CHST6: variants seen among roughly 807,000 people sequenced by gnomAD.
CHST6 encodes carbohydrate sulfotransferase 6.
For missense variants in CHST6, 698 were observed against 586.2 expected (o/e 1.19, Z -1.97); for synonymous variants, 309 against 276.4 (o/e 1.12, Z -1.17).
In CHST6 at chr16:75,478,733, C is replaced by G. The variant is rs369592422; in HGVS notation, c.1096G>C (p.Glu366Gln). Residue 366 changes from glutamate to glutamine, a missense_variant, in exon 3 of 3, where the codon GAG (glutamate) becomes CAG (glutamine). Glu to Gln is a conservative substitution (Grantham distance 29). Coordinates refer to ENST00000332272, the MANE Select transcript of CHST6 (RefSeq NM_021615.5). ...AGATCAAGGGCGAGGTTGCGCTGCT[C>G]GTCCTCAGAGTACACAGGCCGGTAG... ...LGYRPVYSED[E>Q]QRNLALDLVL... 1.8e-5 allele frequency: 29 copies of G among 1,613,422 alleles called. No homozygotes were observed. Among genetic ancestry groups the G allele is most frequent in the Non-Finnish European group, 2.0e-5 (24 of 1,180,024 alleles).
In CHST6 at chr16:75,474,705, C is replaced by CAGAAGGGCAAAGTGAGGGCGAG. The variant is rs1474386120; in HGVS notation, c.*3914_*3935dup. On this transcript the variant is annotated 3_prime_UTR_variant, in exon 3 of 3. Coordinates refer to ENST00000332272, the MANE Select transcript of CHST6 (RefSeq NM_021615.5). ...TAGCATGATGGAAGGCATCATATGG[C>CAGAAGGGCAAAGTGAGGGCGAG]AGAAGGGCAAAGTGAGGGCGAGAGA... is the stretch of plus-strand genomic sequence containing the variant. The CAGAAGGGCAAAGTGAGGGCGAG allele has an allele frequency of 2.5e-5, 10 of 398,490 alleles. No homozygotes were observed. The highest frequency in any genetic ancestry group is 1.8e-4 in the Admixed American group (4 of 22,710). The allele number at this position is 398,490 out of a possible 1,614,324, so 24.7% of individuals were successfully genotyped here.
chr16:75,493,854 G>T (rs925499006), intron 1 of CHST6, among the ~76,000 whole-genome samples: 5 of 152,062 alleles, frequency 3.3e-5, no homozygotes, highest in African/African-American at 1.2e-4. Context: ...GGCCTGGCTT[G>T]TGTTTTTTCT....
rs758633736 is a variant in CHST6 at position 75,478,901 on chromosome 16, A to C, written c.928T>G (p.Ser310Ala). ...GCTTCGCGGCGCGCACCAGGTCCAGATCCGTGGGTGATGTTATGGATCCAG... is the reference window on the plus strand; with the variant it reads ...GCTTCGCGGCGCGCACCAGGTCCAGCTCCGTGGGTGATGTTATGGATCCAG... ...EAWIHNITHG[S>A]GPGARREAFK... The change falls in exon 3 of 3, where the codon TCT (serine) becomes GCT (alanine). Residue 310 changes from serine to alanine, a missense_variant. Transcript: ENST00000332272. 15 of 1,613,022 alleles carry C rather than the reference A, an allele frequency of 9.3e-6. No homozygotes were observed. Among genetic ancestry groups the C allele is most frequent in the Non-Finnish European group, 1.2e-5 (14 of 1,179,932 alleles).
At position 75,478,293 on chromosome 16, in the gene CHST6, C is replaced by T. The variant is rs764683003; in HGVS notation, c.*348G>A. On this transcript the variant is annotated 3_prime_UTR_variant, in exon 3 of 3. Coordinates refer to ENST00000332272, the MANE Select transcript of CHST6 (RefSeq NM_021615.5). ...ACTCCCAGCCAGTGCCAGGGCACCC[C>T]CTCAGCTGCTGCAGGATGTGTCACC... 26 of 384,354 alleles carry T rather than the reference C, an allele frequency of 6.8e-5. No individual in the cohort carries two copies. The highest frequency in any genetic ancestry group is 1.1e-4 in the Non-Finnish European group (23 of 203,402). The allele number at this position is 384,354 out of a possible 1,614,324, so 23.8% of individuals were successfully genotyped here. A position where few individuals can be genotyped will look rare whatever the true frequency, so the allele number is the denominator to read the frequency against.
intron 1 of CHST6, among the ~76,000 whole-genome samples, chr16:75,490,348 C>T (rs1302950847): frequency 2.6e-5 from 4 of 151,598 alleles, no homozygotes; most frequent in African/African-American, 9.7e-5. Context: ...CATGGTGGCG[C>T]ATGCCTGTAA....
In CHST6 at chr16:75,479,449, C is replaced by T. The variant is rs754243926; in HGVS notation, c.380G>A (p.Arg127His). Residue 127 changes from arginine (R) to histidine (H), a missense_variant, in exon 3 of 3, where the codon CGT becomes CAT. By Grantham distance (29) the Arg-to-His change is conservative. Coordinates refer to ENST00000332272, the MANE Select transcript of CHST6 (RefSeq NM_021615.5). ...GCAGGCGGGTGGCGAGCACAGTGCA[C>T]GGCTCACGGCCCACTGGAAGAGGTC... ...LSDLFQWAVS[R>H]ALCSPPACSA... The T allele has an allele frequency of 8.1e-6, 13 of 1,612,774 alleles. No homozygotes were observed. Among genetic ancestry groups the T allele is most frequent in the South Asian group, 7.7e-5 (7 of 91,092 alleles).
chr16:75,484,876 G>A (rs2080178959), intron 1 of CHST6, among the ~76,000 whole-genome samples: 1 of 152,018 alleles, frequency 6.6e-6, no homozygotes, highest in East Asian at 1.9e-4. Flanking sequence ...AAAACTCAAG[G>A]TAAAGATGAG....
At chr16:75,490,115 G>A (rs1361936382) in intron 1 of CHST6, among the ~76,000 whole-genome samples, 1 of 146,840 alleles carries the variant, frequency 6.8e-6, no homozygotes, top group Non-Finnish European at 1.5e-5. Context: ...AGAGGTTGCA[G>A]TGAGCCAAGG....
In CHST6 at chr16:75,491,218, T is replaced by TATATATAA. The variant is rs1384245947; in HGVS notation, c.-92+3721_-92+3722insTTATATAT. Among the ~76,000 whole-genome samples, 193 of 97,614 alleles carry TATATATAA rather than the reference T, an allele frequency of 2.0e-3. 5 individuals carry two copies. In the East Asian group the frequency reaches 0.025, roughly 12 times the overall value. 64.0% of individuals were successfully genotyped at this position (97,614 alleles called of 152,430 possible). On this transcript the variant is annotated intron_variant, in intron 1 of 2. Coordinates refer to ENST00000332272, the MANE Select transcript of CHST6 (RefSeq NM_021615.5). ...ATATATATATATATATATATATATATAAAATATAATATACTTATATATAAT... is the reference window on the plus strand; with the variant it reads ...ATATATATATATATATATATATATATATATATAAAAAATATAATATACTTATATATAAT...
At chr16:75,489,325 G>C (rs1004896972) in intron 1 of CHST6, among the ~76,000 whole-genome samples, 5 of 150,820 alleles carry the variant, frequency 3.3e-5, no homozygotes, top group African/African-American at 7.4e-5. Context: ...CTTGAGCCCA[G>C]GAGGCGGAGG....
Position 75,474,793 on chromosome 16 carries a change from G to A in CHST6, c.*3848C>T, listed in dbSNP as rs2080049795. The A allele has an allele frequency of 2.5e-6, 1 of 397,536 alleles. No individual in the cohort carries two copies. The highest frequency in any genetic ancestry group is 3.6e-5 in the East Asian group (1 of 28,022). The allele number at this position is 397,536 out of a possible 1,614,324, so 24.6% of individuals were successfully genotyped here. On this transcript the variant is annotated 3_prime_UTR_variant, in exon 3 of 3. Coordinates refer to ENST00000332272, the MANE Select transcript of CHST6 (RefSeq NM_021615.5). Reference sequence around the variant, plus strand: ...CTCTCAGGATAACCAACTCACTCCTGAAATAATGGTGGTTTTTTTTAAGAC... The same window carrying A: ...CTCTCAGGATAACCAACTCACTCCTAAAATAATGGTGGTTTTTTTTAAGAC...
chr16:75,486,740 GC>G (rs1236460523), intron 1 of CHST6, among the ~76,000 whole-genome samples: 1 of 152,352 alleles, frequency 6.6e-6, no homozygotes, highest in African/African-American at 2.4e-5. Flanking sequence ...GCTGAGGGAA[GC>G]ATTCACTTTC....
Position 75,479,490 on chromosome 16 carries a change from C to G in CHST6, c.339G>C (p.Trp113Cys). ...GGAAGAGGTCGGACAGGTTGCGGCG[C>G]CAAGGCAGATAGGCATCAAACACGT... The part of the protein sequence containing the change: ...DMDVFDAYLP[W>C]RRNLSDLFQW... Residue 113 changes from tryptophan to cysteine, a missense_variant, in exon 3 of 3, where the codon TGG (tryptophan) becomes TGC (cysteine). Trp to Cys is a radical substitution (Grantham distance 215). Coordinates refer to ENST00000332272, the MANE Select transcript of CHST6 (RefSeq NM_021615.5). 1 of 1,612,914 alleles carries G rather than the reference C, an allele frequency of 6.2e-7. No individual in the cohort carries two copies. The highest frequency in any genetic ancestry group is 8.5e-7 in the Non-Finnish European group (1 of 1,179,862).
intron 1 of CHST6, among the ~76,000 whole-genome samples, chr16:75,487,150 T>G (rs2080206543): frequency 6.6e-6 from 1 of 152,254 alleles, no homozygotes; most frequent in Non-Finnish European, 1.5e-5. Context: ...CATGGCTTTC[T>G]GCCGAGCACC....
intron 1 of CHST6, among the ~76,000 whole-genome samples, chr16:75,482,883 TC>T (rs781733949): frequency 3.3e-5 from 5 of 152,086 alleles, no homozygotes; most frequent in African/African-American, 1.2e-4. Context: ...CGACTCCAGA[TC>T]CCACAGCCAC....
intron 2 of CHST6, among the ~76,000 whole-genome samples, chr16:75,481,212 G>T (rs1007500797): frequency 6.6e-6 from 1 of 152,062 alleles, no homozygotes; most frequent in African/African-American, 2.4e-5. Flanking sequence ...GGAGTTTGAG[G>T]TTGCAGTGAG....
chr16:75,480,389 G>GC (rs1567410476), intron 2 of CHST6, among the ~76,000 whole-genome samples: 1 of 151,914 alleles, frequency 6.6e-6, no homozygotes, highest in Non-Finnish European at 1.5e-5. Context: ...ATATTGGATC[G>GC]CCCCGTGACT....
At position 75,478,505 on chromosome 16, in the gene CHST6, C is replaced by A; in HGVS notation, c.*136G>T. On this transcript the variant is annotated 3_prime_UTR_variant, in exon 3 of 3. Coordinates refer to ENST00000332272, the MANE Select transcript of CHST6 (RefSeq NM_021615.5). The stretch of plus-strand genomic sequence containing the variant: ...GAGAGAAAGAAACGTGCAGTCCTTG[C>A]CTACTTGGGGAGGGGGAGGGGTCGT... 1 of 843,424 alleles carries A rather than the reference C, an allele frequency of 1.2e-6. No homozygotes were observed. The highest frequency in any genetic ancestry group is 2.0e-5 in the Admixed American group (1 of 49,376). The allele number at this position is 843,424 out of a possible 1,614,324, so 52.2% of individuals were successfully genotyped here.
intron 1 of CHST6, among the ~76,000 whole-genome samples, chr16:75,491,314 A>G (rs1345202015): frequency 1.3e-5 from 2 of 149,644 alleles, no homozygotes; most frequent in Admixed American, 6.7e-5. Context: ...AAAGTATGGG[A>G]GATGCACACT....
Sources: allele counts gnomAD v4.1 joint callset (sites outside exome capture counted in the v4.1 genomes callset), GRCh38; gene constraint gnomAD v4.1.1; transcripts MANE v1.5; gene names NCBI Gene and HGNC (gene_info 2026-07-23, HGNC 2026-07-21).